The following MB21D2 variants were observed in gnomAD, a reference collection of about 807,000 sequenced individuals.
MB21D2 encodes the protein Mab-21 domain containing 2.
A neutral mutation model predicts 33.3 loss-of-function variants in MB21D2; 9 were observed. That is an observed-to-expected ratio of 0.27 (90% confidence interval 0.16 to 0.47). MB21D2 has a LOEUF of 0.47. Among genes scored for constraint, MB21D2 ranks in the 20% least tolerant of loss-of-function variants. The probability of loss-of-function intolerance (pLI) is 0.99; values close to 1 mark genes in which losing one functional copy is unlikely to be tolerated. For missense variants in MB21D2, 540 were observed against 624.6 expected (o/e 0.86, Z 1.44); for synonymous variants, 241 against 236.3 (o/e 1.02, Z -0.18).
intron 1 of MB21D2, among the ~76,000 whole-genome samples, chr3:192,836,437 T>A (rs534789743): frequency 2.0e-5 from 3 of 152,296 alleles, no homozygotes; most frequent in African/African-American, 7.2e-5. Context: ...TATTATTGTA[T>A]TTGGAAATAC....
intron 1 of MB21D2, among the ~76,000 whole-genome samples, chr3:192,848,310 G>C (rs538779415): frequency 6.6e-6 from 1 of 152,248 alleles, no homozygotes; most frequent in South Asian, 2.1e-4. Flanking sequence ...TTGCCAAAAA[G>C]CTATCCCACA....
intron 1 of MB21D2, among the ~76,000 whole-genome samples, chr3:192,866,050 A>T (rs1215720090): frequency 6.6e-6 from 1 of 151,940 alleles, no homozygotes; most frequent in Non-Finnish European, 1.5e-5. Context: ...CCTGTCTAAA[A>T]AAATAAATAA....
intron 1 of MB21D2, among the ~76,000 whole-genome samples, chr3:192,807,544 T>G (rs1711690354): frequency 6.6e-6 from 1 of 152,078 alleles, no homozygotes. Context: ...TCCATTCCTT[T>G]CTCACGTTGA....
At chr3:192,802,505 G>C (rs1049184309) in intron 1 of MB21D2, among the ~76,000 whole-genome samples, 1 of 152,166 alleles carries the variant, frequency 6.6e-6, no homozygotes, top group Non-Finnish European at 1.5e-5. Flanking sequence ...CCTTTTTAAA[G>C]TGTTTTCTTT....
intron 1 of MB21D2, among the ~76,000 whole-genome samples, chr3:192,849,982 G>A (rs1411754360): frequency 4.0e-5 from 6 of 150,798 alleles, no homozygotes; most frequent in Admixed American, 1.3e-4. Flanking sequence ...GCAGTGGTGC[G>A]ATCTTGGCTC....
intron 1 of MB21D2, among the ~76,000 whole-genome samples, chr3:192,812,855 T>C (rs1045587239): frequency 7.8e-5 from 9 of 114,998 alleles, no homozygotes; most frequent in Non-Finnish European, 1.1e-4. Context: ...ATTAAAACCA[T>C]GTATTTTTTC....
At chr3:192,904,291 C>T (rs944353659) in intron 1 of MB21D2, among the ~76,000 whole-genome samples, 1 of 152,154 alleles carries the variant, frequency 6.6e-6, no homozygotes, top group African/African-American at 2.4e-5. Flanking sequence ...GGATGAACTG[C>T]CACCCTTCTC....
chr3:192,834,271 C>A (rs1712382671), intron 1 of MB21D2, among the ~76,000 whole-genome samples: 1 of 150,564 alleles, frequency 6.6e-6, no homozygotes, highest in Admixed American at 6.6e-5. Context: ...GAGCCAAGAT[C>A]ATGCCATTGC....
At chr3:192,879,141 G>T (rs1284370985) in intron 1 of MB21D2, among the ~76,000 whole-genome samples, 2 of 152,186 alleles carry the variant, frequency 1.3e-5, no homozygotes, top group African/African-American at 4.8e-5. Context: ...CACATCAGGG[G>T]CTGGCTAAGG....
At chr3:192,843,972 T>A (rs1037475862) in intron 1 of MB21D2, among the ~76,000 whole-genome samples, 34 of 152,124 alleles carry the variant, frequency 2.2e-4, no homozygotes, top group African/African-American at 8.0e-4. Context: ...GCACCTGTCC[T>A]CCCAGCCCCG....
intron 1 of MB21D2, among the ~76,000 whole-genome samples, chr3:192,833,739 A>G (rs1289634209): frequency 6.6e-6 from 1 of 152,198 alleles, no homozygotes; most frequent in Admixed American, 6.5e-5. Context: ...CTAAGTTGTC[A>G]ATACTTTAGA....
At chr3:192,887,964 G>C (rs57334011) in intron 1 of MB21D2, among the ~76,000 whole-genome samples, 2,247 of 152,112 alleles carry the variant, frequency 0.015, 70 homozygotes, top group African/African-American at 0.052. Context: ...CCATACTGAG[G>C]AACAAGGCAA....
At chr3:192,826,069 G>A (rs149076956) in intron 1 of MB21D2, among the ~76,000 whole-genome samples, 1 of 152,298 alleles carries the variant, frequency 6.6e-6, no homozygotes, top group East Asian at 1.9e-4. Context: ...CTTGACTCCA[G>A]TTTTTCTGGT....
intron 1 of MB21D2, among the ~76,000 whole-genome samples, chr3:192,863,732 A>C (rs1469994506): frequency 6.6e-6 from 1 of 152,168 alleles, no homozygotes; most frequent in Non-Finnish European, 1.5e-5. Context: ...GCCAGGTCGT[A>C]AGAGCAGAGC....
At chr3:192,821,460 A>C (rs868093967) in intron 1 of MB21D2, among the ~76,000 whole-genome samples, 1 of 152,094 alleles carries the variant, frequency 6.6e-6, no homozygotes, top group African/African-American at 2.4e-5. Context: ...TGCAGCTTTC[A>C]AACACTATGG....
chr3:192,847,941 A>T (rs1305790092), intron 1 of MB21D2, among the ~76,000 whole-genome samples: 1 of 152,220 alleles, frequency 6.6e-6, no homozygotes, highest in African/African-American at 2.4e-5. Flanking sequence ...ATTTGGGCTT[A>T]ACTTTGATGA....
intron 1 of MB21D2, among the ~76,000 whole-genome samples, chr3:192,895,472 A>G (rs999639920): frequency 2.6e-5 from 4 of 152,206 alleles, no homozygotes; most frequent in African/African-American, 9.6e-5. Context: ...TCCTCAATCA[A>G]TGAAGCCAAC....
intron 1 of MB21D2, among the ~76,000 whole-genome samples, chr3:192,887,932 T>C (rs1054162097): frequency 1.8e-4 from 28 of 152,076 alleles, no homozygotes; most frequent in African/African-American, 6.3e-4. Flanking sequence ...AGCTCCCAGG[T>C]GCTGGTGCTG....
chr3:192,873,315 G>A (rs937645571), intron 1 of MB21D2, among the ~76,000 whole-genome samples: 2 of 152,194 alleles, frequency 1.3e-5, no homozygotes, highest in South Asian at 2.1e-4. Flanking sequence ...ACTCGACTGT[G>A]GTCCCCTGGA....
Sources: allele counts gnomAD v4.1 joint callset (sites outside exome capture counted in the v4.1 genomes callset), GRCh38; gene constraint gnomAD v4.1.1; transcripts MANE v1.5; gene names NCBI Gene and HGNC (gene_info 2026-07-23, HGNC 2026-07-21).